CRYZL1: variants seen among roughly 807,000 people sequenced by gnomAD.
CRYZL1 encodes the protein crystallin zeta like 1, also known as ferry endosomal RAB5 effector complex subunit 4.
CRYZL1 carries 34 observed loss-of-function variants against 50.6 expected under a neutral mutation model. That is an observed-to-expected ratio of 0.67 (90% CI 0.51 to 0.89). CRYZL1 has a LOEUF of 0.89. CRYZL1 is among the 40% of genes least tolerant of loss of function. The pLI is 0.00. For missense variants in CRYZL1, 354 were observed against 402.3 expected, an observed-to-expected ratio of 0.88 and a Z score of 1.03; for synonymous variants, 125 against 134.3, an observed-to-expected ratio of 0.93 and a Z score of 0.48.
At chr21:33,593,311 T>G (rs2086661660) in intron 11 of CRYZL1, among the ~76,000 whole-genome samples, 1 of 152,032 alleles carries the variant, frequency 6.6e-6, no homozygotes, top group South Asian at 2.1e-4. Flanking sequence ...TTTCACCATG[T>G]TCGCCAGGAT....
At chr21:33,599,083 A>C in intron 9 of CRYZL1, 67 bp downstream of exon 9, 1 of 1,470,116 alleles carries the variant, frequency 6.8e-7, no homozygotes, top group Non-Finnish European at 9.3e-7. Flanking sequence ...GCCCTGGTTA[A>C]ATTTTTTTTC....
At position 33,624,708 on chromosome 21, in the gene CRYZL1, C is replaced by G. The variant is rs201072452; in HGVS notation, c.119G>C (p.Cys40Ser). ...DNFVKLQVKA[C>S]ALSQINTKLL... Reference sequence around the variant, plus strand: ...CTTTGTATTTATCTGGCTCAGAGCACAAGCTTTAACTTGAAGTTTCACAAA... The same window carrying G: ...CTTTGTATTTATCTGGCTCAGAGCAGAAGCTTTAACTTGAAGTTTCACAAA... Residue 40 changes from cysteine (C) to serine (S), a missense_variant, in exon 3 of 13, where the codon TGT (cysteine) becomes TCT (serine). Cys to Ser is a moderately radical substitution (Grantham distance 112). Coordinates refer to ENST00000381554, the MANE Select transcript of CRYZL1 (RefSeq NM_145858.3). The G allele has an allele frequency of 6.3e-7, 1 of 1,599,814 alleles. No homozygotes were observed. Among genetic ancestry groups the G allele is most frequent in the East Asian group, 2.3e-5 (1 of 44,390 alleles).
intron 4 of CRYZL1, among the ~76,000 whole-genome samples, chr21:33,620,902 C>A (rs552797993): frequency 4.3e-5 from 3 of 69,102 alleles, no homozygotes; most frequent in Non-Finnish European, 7.8e-5. Flanking sequence ...GGTGTCCAAT[C>A]TTTTTTTTTT....
intron 1 of CRYZL1, among the ~76,000 whole-genome samples, chr21:33,638,170 G>A (rs1255464373): frequency 6.6e-6 from 1 of 151,010 alleles, no homozygotes; most frequent in Non-Finnish European, 1.5e-5. Context: ...AATATATTCT[G>A]CAGGGTGTGG....
In CRYZL1 at chr21:33,622,072, A is replaced by G. The variant is rs1022422889; in HGVS notation, c.145-4T>C. 1 of 1,611,216 alleles carries G rather than the reference A, an allele frequency of 6.2e-7. No homozygotes were observed. The highest frequency in any genetic ancestry group is 8.5e-7 in the Non-Finnish European group (1 of 1,177,840). ...TCATCTTCATTTCTGCCAGAAGCTA[A>G]ATCATGACAAAGGCAGTTAACATAC... On this transcript the variant is annotated splice_polypyrimidine_tract_variant and splice_region_variant and intron_variant, in intron 3 of 12. Coordinates refer to ENST00000381554, the MANE Select transcript of CRYZL1 (RefSeq NM_145858.3).
intron 3 of CRYZL1, among the ~76,000 whole-genome samples, chr21:33,623,110 C>T (rs2087021523): frequency 6.6e-6 from 1 of 152,026 alleles, no homozygotes; most frequent in South Asian, 2.1e-4. Flanking sequence ...GGACTACAGG[C>T]ACGTGCCACC....
intron 3 of CRYZL1, among the ~76,000 whole-genome samples, chr21:33,624,457 G>C (rs1014617771): frequency 2.0e-5 from 3 of 152,194 alleles, no homozygotes; most frequent in African/African-American, 7.2e-5. Context: ...TCTGAGACAG[G>C]AGAATTGCTT....
chr21:33,613,730 G>A, intron 5 of CRYZL1, 124 bp from the exon 6 acceptor site: 1 of 677,850 alleles, frequency 1.5e-6, no homozygotes. Context: ...TACTAGTGTG[G>A]ACAAGAAAAA....
intron 6 of CRYZL1, among the ~76,000 whole-genome samples, 194 bp from the exon 7 acceptor site, chr21:33,603,731 T>G: frequency 6.6e-6 from 1 of 152,344 alleles, no homozygotes; most frequent in East Asian, 1.9e-4. Flanking sequence ...GTGTGTATTT[T>G]TAAAACTTTT....
At chr21:33,605,609 C>A (rs555002899) in intron 6 of CRYZL1, among the ~76,000 whole-genome samples, 2 of 132,156 alleles carry the variant, frequency 1.5e-5, no homozygotes, top group African/African-American at 5.8e-5. Flanking sequence ...GCACCCTCCC[C>A]CTCCTGGGTT....
At chr21:33,600,719 A>G (rs1259089973) in intron 8 of CRYZL1, among the ~76,000 whole-genome samples, 1 of 147,784 alleles carries the variant, frequency 6.8e-6, no homozygotes, top group Non-Finnish European at 1.5e-5. Flanking sequence ...TCTGCCTCCC[A>G]GGTTCACGCC....
intron 4 of CRYZL1, 81 bp from the exon 5 acceptor site, chr21:33,616,831 T>A: frequency 8.0e-7 from 1 of 1,252,132 alleles, no homozygotes; most frequent in Non-Finnish European, 1.1e-6. Flanking sequence ...ATTTTTAAAA[T>A]CTGTGGATTT....
intron 9 of CRYZL1, among the ~76,000 whole-genome samples, chr21:33,597,808 G>C (rs1255319315): frequency 6.6e-6 from 1 of 152,092 alleles, no homozygotes; most frequent in Non-Finnish European, 1.5e-5. Flanking sequence ...TAGAGACGGG[G>C]TTTCATTGTG....
intron 8 of CRYZL1, among the ~76,000 whole-genome samples, chr21:33,601,703 G>A (rs2086758211): frequency 6.6e-6 from 1 of 152,120 alleles, no homozygotes. Context: ...CATTGCTTGA[G>A]CTCAGAAGTT....
At chr21:33,637,444 CAA>C (rs544640250) in intron 1 of CRYZL1, among the ~76,000 whole-genome samples, 28 of 76,876 alleles carry the variant, frequency 3.6e-4, no homozygotes, top group Admixed American at 3.0e-4. Context: ...GACTCTGTCT[CAA>C]AAAAAAAAAA....
chr21:33,631,116 A>G (rs752306898), intron 2 of CRYZL1, among the ~76,000 whole-genome samples: 46 of 152,238 alleles, frequency 3.0e-4, no homozygotes, highest in African/African-American at 1.1e-3. Flanking sequence ...AACGTATTGC[A>G]TATTTCAAAA....
chr21:33,633,981 G>T (rs976609949), intron 1 of CRYZL1, among the ~76,000 whole-genome samples: 4 of 152,230 alleles, frequency 2.6e-5, no homozygotes, highest in Admixed American at 2.0e-4. Flanking sequence ...TTTTTACAGA[G>T]TGTAGTTGAG....
intron 6 of CRYZL1, 145 bp downstream of exon 6, chr21:33,613,393 C>T: frequency 1.8e-6 from 1 of 554,938 alleles, no homozygotes; most frequent in Non-Finnish European, 3.2e-6. Context: ...CATGACCAGC[C>T]AACATTTTTT....
chr21:33,623,744 A>T (rs1178914551), intron 3 of CRYZL1, among the ~76,000 whole-genome samples: 1 of 152,224 alleles, frequency 6.6e-6, no homozygotes, highest in East Asian at 1.9e-4. Context: ...AAACTATGGC[A>T]TTAATCCTAA....
Sources: allele counts gnomAD v4.1 joint callset (sites outside exome capture counted in the v4.1 genomes callset), GRCh38; gene constraint gnomAD v4.1.1; transcripts MANE v1.5; gene names NCBI Gene and HGNC (gene_info 2026-07-23, HGNC 2026-07-21).